The following TCF4 variants were observed in gnomAD, a reference collection of about 807,000 sequenced individuals.
The protein encoded by TCF4 is SL3-3 enhancer factor 2.
TCF4 carries 3 observed loss-of-function variants against 82.1 expected under a neutral mutation model. The observed-to-expected ratio is 0.04, with a 90% CI of 0.02 to 0.09. The LOEUF (loss-of-function observed/expected upper bound fraction) is 0.09. Ranked by LOEUF, TCF4 falls within the 10% of genes least tolerant of loss-of-function variation. The probability of loss-of-function intolerance (pLI) is 1.00; values close to 1 mark genes in which losing one functional copy is unlikely to be tolerated. For missense variants in TCF4, 518 were observed against 852.7 expected, an observed-to-expected ratio of 0.61 and a Z score of 4.89; for synonymous variants, 276 against 309.6, an observed-to-expected ratio of 0.89 and a Z score of 1.14.
chr18:55,543,268 T>C (rs139945166), intron 3 of TCF4, among the ~76,000 whole-genome samples: 2 of 152,214 alleles, frequency 1.3e-5, no homozygotes, highest in East Asian at 3.9e-4. Flanking sequence ...CTGAGCCTCA[T>C]TTTTCTTAGA....
In TCF4 at chr18:55,307,818, T is replaced by C. The variant is rs77585094; in HGVS notation, c.550-28162A>G. Among the ~76,000 whole-genome samples the C allele has an allele frequency of 1.3e-3, 192 of 152,310 alleles. 1 individual carries two copies. Among genetic ancestry groups the C allele is most frequent in the African/African-American group, 4.2e-3 (174 of 41,554 alleles). ...AGGCATCTGCCAGTCTGTGTCACCATAGGCTTCCAGTGCTCCCAATGTCTA... is the reference window on the plus strand; with the variant it reads ...AGGCATCTGCCAGTCTGTGTCACCACAGGCTTCCAGTGCTCCCAATGTCTA... On this transcript the variant is annotated intron_variant, in intron 8 of 19. Transcript: ENST00000354452.
intron 6 of TCF4, among the ~76,000 whole-genome samples, chr18:55,386,399 T>A (rs2092607088): frequency 6.6e-6 from 1 of 152,188 alleles, no homozygotes; most frequent in African/African-American, 2.4e-5. Flanking sequence ...AGAATGGGTA[T>A]CTTCTGACCG....
chr18:55,513,211 C>CTA (rs778963197), intron 3 of TCF4, among the ~76,000 whole-genome samples: 131 of 152,276 alleles, frequency 8.6e-4, no homozygotes, highest in Non-Finnish European at 1.5e-3. Context: ...TGAAGGAAAA[C>CTA]TATTCCTTTT....
intron 2 of TCF4, among the ~76,000 whole-genome samples, chr18:55,621,564 TATA>T (rs1389705939): frequency 1.8e-4 from 18 of 100,206 alleles, no homozygotes; most frequent in African/African-American, 4.6e-4. Context: ...ATGTACATTA[TATA>T]ATATTATATA....
intron 3 of TCF4, among the ~76,000 whole-genome samples, chr18:55,479,451 T>C (rs968122886): frequency 1.3e-5 from 2 of 152,084 alleles, no homozygotes; most frequent in African/African-American, 2.4e-5. Context: ...CCAATCCCCA[T>C]CTCTTTCTGC....
chr18:55,535,246 T>G (rs892711936), intron 3 of TCF4, among the ~76,000 whole-genome samples: 3 of 152,202 alleles, frequency 2.0e-5, no homozygotes, highest in African/African-American at 7.2e-5. Flanking sequence ...ACTGGTGTAT[T>G]AAAGTCATGA....
At chr18:55,395,064 G>A (rs954364280) in intron 6 of TCF4, among the ~76,000 whole-genome samples, 1 of 152,114 alleles carries the variant, frequency 6.6e-6, no homozygotes, top group Non-Finnish European at 1.5e-5. Context: ...AAGAGTTTCA[G>A]TAAAAAGCTC....
chr18:55,270,319 G>C (rs924590710), intron 10 of TCF4, among the ~76,000 whole-genome samples: 1 of 152,018 alleles, frequency 6.6e-6, no homozygotes, highest in African/African-American at 2.4e-5. Flanking sequence ...TATTGATCAA[G>C]TGAAAAAGAT....
At chr18:55,393,018 T>C (rs1378465547) in intron 6 of TCF4, among the ~76,000 whole-genome samples, 1 of 152,230 alleles carries the variant, frequency 6.6e-6, no homozygotes, top group Non-Finnish European at 1.5e-5. Flanking sequence ...ATTCCTTCTT[T>C]GGATAAAAAA....
At chr18:55,491,696 A>G (rs1334767221) in intron 3 of TCF4, among the ~76,000 whole-genome samples, 3 of 152,118 alleles carry the variant, frequency 2.0e-5, no homozygotes, top group African/African-American at 7.2e-5. Flanking sequence ...TCACCACTTA[A>G]CTAATAGTTT....
intron 15 of TCF4, among the ~76,000 whole-genome samples, chr18:55,247,392 G>T (rs988401742): frequency 6.6e-6 from 1 of 152,210 alleles, no homozygotes; most frequent in Admixed American, 6.5e-5. Context: ...GGGGTTTCAT[G>T]AAGTTTTGTA....
intron 5 of TCF4, among the ~76,000 whole-genome samples, chr18:55,451,264 A>G (rs188982344): frequency 6.6e-6 from 1 of 152,338 alleles, no homozygotes; most frequent in East Asian, 1.9e-4. Flanking sequence ...TAGCCTTGCA[A>G]TGCCCTAACA....
intron 3 of TCF4, among the ~76,000 whole-genome samples, chr18:55,536,253 C>T (rs2097113625): frequency 6.6e-6 from 1 of 152,096 alleles, no homozygotes; most frequent in Non-Finnish European, 1.5e-5. Flanking sequence ...CAATATTTTC[C>T]TACTATAAAT....
At chr18:55,386,802 CAGG>C (rs1187001880) in intron 6 of TCF4, among the ~76,000 whole-genome samples, 2 of 152,122 alleles carry the variant, frequency 1.3e-5, no homozygotes, top group African/African-American at 4.8e-5. Flanking sequence ...GTTGAAAAAC[CAGG>C]AGGGCTCAAC....
intron 5 of TCF4, among the ~76,000 whole-genome samples, chr18:55,434,130 A>AC (rs2095270003): frequency 6.6e-6 from 1 of 152,130 alleles, no homozygotes; most frequent in African/African-American, 2.4e-5. Context: ...TTCTCTATTC[A>AC]CTATGCTCAA....
intron 3 of TCF4, among the ~76,000 whole-genome samples, chr18:55,507,615 ATGCAGTTT>A (rs2096777500): frequency 1.3e-5 from 2 of 152,136 alleles, no homozygotes; most frequent in African/African-American, 4.8e-5. Flanking sequence ...CCATATTTTG[ATGCAGTTT>A]AGTTGGATAT....
At chr18:55,371,784 T>C (rs1160448453) in intron 6 of TCF4, among the ~76,000 whole-genome samples, 1 of 152,170 alleles carries the variant, frequency 6.6e-6, no homozygotes, top group Non-Finnish European at 1.5e-5. Context: ...ATCCACCCTA[T>C]GCTGAAATTA....
chr18:55,430,617 T>TA (rs2147141741), intron 5 of TCF4, among the ~76,000 whole-genome samples: 1 of 143,424 alleles, frequency 7.0e-6, no homozygotes, highest in Admixed American at 7.3e-5. Context: ...TGCCTGCACT[T>TA]ATGAAGACAG....
At chr18:55,312,424 CT>C (rs2072804861) in intron 8 of TCF4, among the ~76,000 whole-genome samples, 1 of 152,090 alleles carries the variant, frequency 6.6e-6, no homozygotes, top group Non-Finnish European at 1.5e-5. Flanking sequence ...TCTGTTTTTC[CT>C]TTTTCGTCAT....
Sources: allele counts gnomAD v4.1 joint callset (sites outside exome capture counted in the v4.1 genomes callset), GRCh38; gene constraint gnomAD v4.1.1; transcripts MANE v1.5; gene names NCBI Gene and HGNC (gene_info 2026-07-23, HGNC 2026-07-21).